The following CCNI2 variants were observed in gnomAD, a reference collection of about 807,000 sequenced individuals.
CCNI2 encodes cyclin I family member 2.
In CCNI2, 32 loss-of-function variants were observed where a neutral mutation model predicts 33.2. The ratio of observed to expected loss-of-function variants is 0.96; its 90% CI spans 0.73 to 1.30. The LOEUF (loss-of-function observed/expected upper bound fraction) is 1.30. CCNI2 is among the 50% of genes most tolerant of loss of function. The probability of loss-of-function intolerance (pLI) is 0.00; values close to 1 mark genes in which losing one functional copy is unlikely to be tolerated. For synonymous variants in CCNI2, 231 were observed against 219.9 expected, an observed-to-expected ratio of 1.05 and a Z score of -0.45; for missense variants, 452 against 486.2, an observed-to-expected ratio of 0.93 and a Z score of 0.66.
rs1755005349 is a variant in CCNI2, at chr5:132,753,089, C to G, written c.*119C>G. On this transcript the variant is annotated 3_prime_UTR_variant, in exon 6 of 6. Transcript: ENST00000378731. Reference sequence around the variant, plus strand: ...AAAAGGGAAGGTGGCTCTGGAAGAGCAACTGAGAAAAAGTTCCCAACTGAG... The same window carrying G: ...AAAAGGGAAGGTGGCTCTGGAAGAGGAACTGAGAAAAAGTTCCCAACTGAG... 2.4e-5 allele frequency: 19 copies of G among 804,838 alleles called. No individual in the cohort carries two copies. The highest frequency in any genetic ancestry group is 3.8e-5 in the Non-Finnish European group (19 of 503,202). 49.9% of individuals were successfully genotyped at this position (804,838 alleles called of 1,614,324 possible).
downstream of CCNI2, among the ~76,000 whole-genome samples, chr5:132,754,748 T>G (rs1755180926): frequency 6.6e-6 from 1 of 152,208 alleles, no homozygotes; most frequent in African/African-American, 2.4e-5. Flanking sequence ...CATTAGGAAC[T>G]CCTATCCCAC....
At chr5:132,750,755 A>G in intron 3 of CCNI2, 102 bp from the exon 4 acceptor site, 1 of 1,214,632 alleles carries the variant, frequency 8.2e-7, no homozygotes, top group Non-Finnish European at 1.2e-6. Flanking sequence ...CCACAGGAAG[A>G]CAACTCCACT....
intron 4 of CCNI2, 123 bp from the exon 5 acceptor site, chr5:132,751,843 A>T: frequency 8.3e-7 from 1 of 1,198,392 alleles, no homozygotes. Flanking sequence ...ATGGATAGGA[A>T]TGAAAAGGGT....
At position 132,753,053 on chromosome 5, in the gene CCNI2, T is replaced by C; in HGVS notation, c.*83T>C. 8.9e-7 allele frequency: 1 copy of C among 1,118,156 alleles called. No homozygotes were observed. Among genetic ancestry groups the C allele is most frequent in the South Asian group, 1.3e-5 (1 of 76,826 alleles). 69.3% of individuals were successfully genotyped at this position (1,118,156 alleles called of 1,614,324 possible). On this transcript the variant is annotated 3_prime_UTR_variant, in exon 6 of 6. Transcript: ENST00000378731. ...CTACCATGAGTTCTTTGGCTTGTTA[T>C]GAATCCTGTAAAAAGGGAAGGTGGC...
chr5:132,752,167 C>A lies in CCNI2; in HGVS notation c.976C>A (p.Pro326Thr). ...GAGGCTCATGCCCGGCTGGTGTGCT[C>A]CTATATCTGATCTGCTAAAGAAAGC... Reference protein sequence around the residue: ...LERLMPGWCAPISDLLKKAQV... With the variant: ...LERLMPGWCATISDLLKKAQV... Residue 326 changes from proline to threonine, a missense_variant, in exon 5 of 6, where the codon CCT becomes ACT. Pro to Thr is a conservative substitution (Grantham distance 38). Transcript: ENST00000378731. The A allele has an allele frequency of 6.3e-7, 1 of 1,586,252 alleles. No individual in the cohort carries two copies. Among genetic ancestry groups the A allele is most frequent in the Non-Finnish European group, 8.6e-7 (1 of 1,165,060 alleles).
At position 132,748,229 on chromosome 5, in the gene CCNI2, A is replaced by G. The variant is rs1754668029; in HGVS notation, c.430-118A>G. The G allele has an allele frequency of 2.9e-6, 4 of 1,378,356 alleles. No homozygotes were observed. In the African/African-American group the frequency reaches 4.4e-5, roughly 15 times the overall value. The allele number at this position is 1,378,356 out of a possible 1,614,324, so 85.4% of individuals were successfully genotyped here. On this transcript the variant is annotated intron_variant, in intron 1 of 5. Transcript: ENST00000378731. ...GCGCTTACTCCCAGCGGGCATGCAG[A>G]GGAAGGGACTTCTCACTGCCCCACC...
At chr5:132,755,567 A>G (rs1755251426), downstream of CCNI2, among the ~76,000 whole-genome samples, 1 of 152,310 alleles carries the variant, frequency 6.6e-6, no homozygotes, top group African/African-American at 2.4e-5. Flanking sequence ...ATGGGGATGA[A>G]TGGTCCCTAA....
downstream of CCNI2, chr5:132,756,057 G>T (rs903335265): frequency 3.0e-6 from 3 of 985,164 alleles, no homozygotes; most frequent in African/African-American, 3.5e-5. Context: ...GAATGGAAAA[G>T]AACAAAAACA....
intron 3 of CCNI2, among the ~76,000 whole-genome samples, chr5:132,749,729 G>C (rs1754730316): frequency 6.6e-6 from 1 of 152,136 alleles, no homozygotes; most frequent in Admixed American, 6.6e-5. Context: ...GGCATCTGCT[G>C]TTGAGCAAGG....
chr5:132,750,868 A>G lies in CCNI2; in HGVS notation c.645A>G (p.Gln215=). 6.2e-7 allele frequency: 1 copy of G among 1,613,700 alleles called. No homozygotes were observed. Among genetic ancestry groups the G allele is most frequent in the Non-Finnish European group, 8.5e-7 (1 of 1,179,924 alleles). Residue 215 remains glutamine, a synonymous_variant, in exon 4 of 6, where the codon CAA becomes CAG. Coordinates refer to ENST00000378731, the MANE Select transcript of CCNI2 (RefSeq NM_001039780.4). Reference sequence around the variant, plus strand: ...TTTTCTTTTTACAGTTTATTCCACAAGTAAAAGACTTCACAAAGCACTATG... The same window carrying G: ...TTTTCTTTTTACAGTTTATTCCACAGGTAAAAGACTTCACAAAGCACTATG... ...KVNEEEEFIP[Q]VKDFTKHYGS...
At chr5:132,751,642 C>G in intron 4 of CCNI2, 1 of 404,434 alleles carries the variant, frequency 2.5e-6, no homozygotes, top group Non-Finnish European at 4.4e-6. Context: ...TAAGCAGATA[C>G]AAGTAACTTT....
downstream of CCNI2, chr5:132,755,961 T>C (rs2149952341): frequency 1.0e-6 from 1 of 985,036 alleles, no homozygotes; most frequent in African/African-American, 1.7e-5. Context: ...TCAGGAAACG[T>C]TAAATCAGAA....
At chr5:132,754,574 A>G (rs1473128612), downstream of CCNI2, 1 of 715,652 alleles carries the variant, frequency 1.4e-6, no homozygotes, top group Non-Finnish European at 2.6e-6. Flanking sequence ...GTAAGAGACA[A>G]CCTTCTGCTC....
At chr5:132,755,559 G>A (rs1755250574), downstream of CCNI2, among the ~76,000 whole-genome samples, 1 of 152,186 alleles carries the variant, frequency 6.6e-6, no homozygotes, top group African/African-American at 2.4e-5. Flanking sequence ...GCTATAAAAT[G>A]GGGATGAATG....
chr5:132,748,564 A>G, intron 2 of CCNI2, 89 bp downstream of exon 2: 1 of 1,529,834 alleles, frequency 6.5e-7, no homozygotes, highest in South Asian at 1.2e-5. Context: ...GAGGGTTTCC[A>G]GATGCTCAAA....
In CCNI2 at chr5:132,749,233, G is replaced by T. The variant is rs1004091115; in HGVS notation, c.559-115G>T. 13 of 799,444 alleles carry T rather than the reference G, an allele frequency of 1.6e-5. No homozygotes were observed. The South Asian group carries it at 2.1e-4, about 13-fold the overall frequency. 49.5% of individuals were successfully genotyped at this position (799,444 alleles called of 1,614,324 possible). A position where few individuals can be genotyped will look rare whatever the true frequency, so the allele number is the denominator to read the frequency against. ...ATCATGCCACTGCACTCCAGCCTGG[G>T]CAACAGAGTGAGACTCCATGTCAAA... On this transcript the variant is annotated intron_variant, in intron 2 of 5. Transcript: ENST00000378731.
At chr5:132,751,175 A>G in intron 4 of CCNI2, 178 bp downstream of exon 4, 1 of 579,850 alleles carries the variant, frequency 1.7e-6, no homozygotes, top group East Asian at 3.1e-5. Context: ...TAAATCCAAC[A>G]CAGTTCCACC....
At position 132,748,540 on chromosome 5, in the gene CCNI2, C is replaced by G; in HGVS notation, c.558+65C>G. 2.5e-6 allele frequency: 4 copies of G among 1,588,874 alleles called. No individual in the cohort carries two copies. In the South Asian group the frequency reaches 3.4e-5, roughly 14 times the overall value. On this transcript the variant is annotated intron_variant, in intron 2 of 5. Transcript: ENST00000378731. Reference sequence around the variant, plus strand: ...AAGAAACTAACCTTTGCTCCCCATTCCTGCTTGAGAGGTGAGGGTTTCCAG... The same window carrying G: ...AAGAAACTAACCTTTGCTCCCCATTGCTGCTTGAGAGGTGAGGGTTTCCAG...
Position 132,747,516 on chromosome 5 carries a change from C to T in CCNI2, c.21C>T (p.Leu7=), listed in dbSNP as rs937815399. The part of the protein sequence containing the change: MASGAQ[L]PPQPSSSEVS... ...ACGACATGGCCTCGGGCGCTCAGCT[C>T]CCGCCGCAGCCGTCGAGCTCAGAGG... is the stretch of plus-strand genomic sequence containing the variant. Residue 7 remains leucine (L), a synonymous_variant, in exon 1 of 6, where the codon CTC becomes CTT. Coordinates refer to ENST00000378731, the MANE Select transcript of CCNI2 (RefSeq NM_001039780.4). The surrounding 1 kb of genome is among the most constrained non-coding windows in gnomAD (Gnocchi z 4.1). The T allele has an allele frequency of 1.3e-6, 2 of 1,494,532 alleles. No homozygotes were observed. Among genetic ancestry groups the T allele is most frequent in the Admixed American group, 2.2e-5 (1 of 45,996 alleles). 92.6% of individuals were successfully genotyped at this position (1,494,532 alleles called of 1,614,324 possible). A position where few individuals can be genotyped will look rare whatever the true frequency, so the allele number is the denominator to read the frequency against.
Sources: allele counts gnomAD v4.1 joint callset (sites outside exome capture counted in the v4.1 genomes callset), GRCh38; gene constraint gnomAD v4.1.1; non-coding constraint Gnocchi (gnomAD v3.1); transcripts MANE v1.5; gene names NCBI Gene and HGNC (gene_info 2026-07-23, HGNC 2026-07-21).